The following AGPAT4 variants were observed in gnomAD, a reference collection of about 807,000 sequenced individuals.
AGPAT4 encodes the protein 1-acyl-sn-glycerol-3-phosphate acyltransferase delta.
In AGPAT4, 15 loss-of-function variants were observed where a neutral mutation model predicts 48.0. The ratio of observed to expected loss-of-function variants is 0.31; its 90% CI spans 0.21 to 0.48. The LOEUF is 0.48. Among genes scored for constraint, AGPAT4 ranks in the 20% least tolerant of loss-of-function variants. AGPAT4 has a pLI of 0.99. For synonymous variants in AGPAT4, 178 were observed against 198.7 expected (o/e 0.90, Z 0.88); for missense variants, 314 against 482.5 (o/e 0.65, Z 3.27).
rs1407702385 is a variant in AGPAT4, at chr6:161,198,153, T to C, written c.179-31736A>G. 6.6e-6 allele frequency among the ~76,000 whole-genome samples: 1 copy of C among 152,230 alleles called. No individual in the cohort carries two copies. Among genetic ancestry groups the C allele is most frequent in the African/African-American group, 2.4e-5 (1 of 41,448 alleles). On this transcript the variant is annotated intron_variant, in intron 2 of 8. Transcript: ENST00000320285. The surrounding 1 kb of genome is among the most constrained non-coding windows in gnomAD (Gnocchi z 4.3). ...AATATGCTTATTGATGAGTTTTGTG[T>C]TTCTTATTCTCAATATTAAAAGTGG... is the stretch of plus-strand genomic sequence containing the variant.
In AGPAT4 at chr6:161,259,160, T is replaced by C. The variant is rs1783031295; in HGVS notation, c.-90+14778A>G. Among the ~76,000 whole-genome samples, 1 of 152,202 alleles carries C rather than the reference T, an allele frequency of 6.6e-6. No homozygotes were observed. Among genetic ancestry groups the C allele is most frequent in the South Asian group, 2.1e-4 (1 of 4,832 alleles). On this transcript the variant is annotated intron_variant, in intron 1 of 8. Transcript: ENST00000320285. The surrounding 1 kb of genome is among the most constrained non-coding windows in gnomAD (Gnocchi z 4.9). ...ATTTATGGTGTACAACATAATGTTA[T>C]GATATACGTTTACACCGTGAAATGA...
At position 161,136,196 on chromosome 6, in the gene AGPAT4, A is replaced by C; in HGVS notation, c.*344T>G. 1 of 261,214 alleles carries C rather than the reference A, an allele frequency of 3.8e-6. No homozygotes were observed. Among genetic ancestry groups the C allele is most frequent in the East Asian group, 9.3e-5 (1 of 10,804 alleles). 16.2% of individuals were successfully genotyped at this position (261,214 alleles called of 1,614,324 possible). ...CAGAAAACTCAGCACCAAAGGATGAAAGGGGAACTTGTCCCCTTCGGTCCC... is the reference window on the plus strand; with the variant it reads ...CAGAAAACTCAGCACCAAAGGATGACAGGGGAACTTGTCCCCTTCGGTCCC... On this transcript the variant is annotated 3_prime_UTR_variant, in exon 9 of 9. Coordinates refer to ENST00000320285, the MANE Select transcript of AGPAT4 (RefSeq NM_020133.3).
At chr6:161,253,379 C>T (rs1353653423) in intron 1 of AGPAT4, among the ~76,000 whole-genome samples, 4 of 150,738 alleles carry the variant, frequency 2.7e-5, no homozygotes, top group Non-Finnish European at 5.9e-5. Context: ...CTCAGCCTCC[C>T]GAGTAGCTGG....
In AGPAT4 at chr6:161,231,180, A is replaced by G. The variant is rs907462078; in HGVS notation, c.178+856T>C. Among the ~76,000 whole-genome samples the G allele has an allele frequency of 6.6e-5, 10 of 152,066 alleles. No individual in the cohort carries two copies. The highest frequency in any genetic ancestry group is 1.5e-5 in the Non-Finnish European group (1 of 68,034). ...GAAATATATTCATACCCACATATAT[A>G]TATCATTATTAATATCACACTGCGT... is the stretch of plus-strand genomic sequence containing the variant. On this transcript the variant is annotated intron_variant, in intron 2 of 8. Coordinates refer to ENST00000320285, the MANE Select transcript of AGPAT4 (RefSeq NM_020133.3). This position sits in a 1 kb window ranked among gnomAD's most constrained non-coding sequence, Gnocchi z 5.3.
intron 2 of AGPAT4, among the ~76,000 whole-genome samples, chr6:161,179,272 G>A (rs567291238): frequency 6.6e-6 from 1 of 152,158 alleles, no homozygotes; most frequent in Non-Finnish European, 1.5e-5. Flanking sequence ...GCTGGGAGCT[G>A]AATCCAGACA....
intron 2 of AGPAT4, among the ~76,000 whole-genome samples, chr6:161,210,144 T>C (rs9355338): frequency 0.085 from 12,869 of 152,280 alleles, 682 homozygotes; most frequent in South Asian, 0.15. Context: ...AGTTAAAAGA[T>C]AGGAAGTCCC....
At chr6:161,181,501 A>C (rs1371725202) in intron 2 of AGPAT4, among the ~76,000 whole-genome samples, 3 of 120,596 alleles carry the variant, frequency 2.5e-5, no homozygotes, top group East Asian at 2.2e-4. Context: ...CGGTGGGGGT[A>C]GCAGGGGGCG....
chr6:161,200,542 G>A lies in AGPAT4; in HGVS notation c.178+31494C>T, dbSNP rs1436984694. 6.6e-6 allele frequency among the ~76,000 whole-genome samples: 1 copy of A among 152,218 alleles called. No homozygotes were observed. Among genetic ancestry groups the A allele is most frequent in the African/African-American group, 2.4e-5 (1 of 41,456 alleles). ...CTGGACAAGGGGAAAAACAGTGTGTGTGCTTGGGCATAACCACAGGGTAGC... is the reference window on the plus strand; with the variant it reads ...CTGGACAAGGGGAAAAACAGTGTGTATGCTTGGGCATAACCACAGGGTAGC... On this transcript the variant is annotated intron_variant, in intron 2 of 8. Transcript: ENST00000320285. This position sits in a 1 kb window ranked among gnomAD's most constrained non-coding sequence, Gnocchi z 5.5.
chr6:161,165,937 C>G lies in AGPAT4; in HGVS notation c.348+311G>C, dbSNP rs1444460817. On this transcript the variant is annotated intron_variant, in intron 3 of 8. Transcript: ENST00000320285. The surrounding 1 kb of genome is among the most constrained non-coding windows in gnomAD (Gnocchi z 5.5). ...GTGACTCTGAGCCGAATATTAAGCTCTATATAACTTAGTTTTTAAAAAATG... is the reference window on the plus strand; with the variant it reads ...GTGACTCTGAGCCGAATATTAAGCTGTATATAACTTAGTTTTTAAAAAATG... 3 of 602,266 alleles carry G rather than the reference C, an allele frequency of 5.0e-6. No individual in the cohort carries two copies. Among genetic ancestry groups the G allele is most frequent in the Non-Finnish European group, 8.8e-6 (3 of 339,786 alleles). 37.3% of individuals were successfully genotyped at this position (602,266 alleles called of 1,614,324 possible).
chr6:161,163,443 C>G (rs569647685), intron 3 of AGPAT4, among the ~76,000 whole-genome samples: 30 of 152,062 alleles, frequency 2.0e-4, no homozygotes, highest in African/African-American at 7.0e-4. Context: ...TGTTGCTGAA[C>G]AATGAATATA....
At position 161,232,085 on chromosome 6, in the gene AGPAT4, C is replaced by T; in HGVS notation, c.129G>A (p.Lys43=). The T allele has an allele frequency of 6.2e-7, 1 of 1,614,026 alleles. No homozygotes were observed. Among genetic ancestry groups the T allele is most frequent in the East Asian group, 2.2e-5 (1 of 44,878 alleles). ...TGCAGTTGATCTTCCGGAAGAGCTGCTTGTTAATGGGCCAGAGGAGGAGAG... is the reference window on the plus strand; with the variant it reads ...TGCAGTTGATCTTCCGGAAGAGCTGTTTGTTAATGGGCCAGAGGAGGAGAG... ...LFTLLLWPIN[K]QLFRKINCRL... Residue 43 remains lysine, a synonymous_variant, in exon 2 of 9, where the codon AAG becomes AAA. Transcript: ENST00000320285. This position sits in a 1 kb window ranked among gnomAD's most constrained non-coding sequence, Gnocchi z 6.8.
rs1227445227 is a variant in AGPAT4 at position 161,130,905 on chromosome 6, C to G, written c.*5635G>C. On this transcript the variant is annotated 3_prime_UTR_variant, in exon 9 of 9. Coordinates refer to ENST00000320285, the MANE Select transcript of AGPAT4 (RefSeq NM_020133.3). Reference sequence around the variant, plus strand: ...ACAGAGAGAATGGCATTCCAAAATTCCATGGATGACTTTTCTGAATGTCCT... The same window carrying G: ...ACAGAGAGAATGGCATTCCAAAATTGCATGGATGACTTTTCTGAATGTCCT... 1.9e-6 allele frequency: 1 copy of G among 518,864 alleles called. No individual in the cohort carries two copies. The highest frequency in any genetic ancestry group is 3.8e-6 in the Non-Finnish European group (1 of 259,844). The allele number at this position is 518,864 out of a possible 1,614,324, so 32.1% of individuals were successfully genotyped here.
rs78258954 is a variant in AGPAT4, at chr6:161,246,254, C to T, written c.-89-13952G>A. On this transcript the variant is annotated intron_variant, in intron 1 of 8. Transcript: ENST00000320285. This position sits in a 1 kb window ranked among gnomAD's most constrained non-coding sequence, Gnocchi z 5.5. ...ATCCAGGACAGAGTTGTTTAATTCA[C>T]GCATACATTCATTCGTCCACTGAGA... 8.8e-3 allele frequency among the ~76,000 whole-genome samples: 1,338 copies of T among 152,276 alleles called. 22 individuals carry two copies. The highest frequency in any genetic ancestry group is 0.031 in the African/African-American group (1,273 of 41,534).
In AGPAT4 at chr6:161,161,495, CTGA is replaced by C. The variant is rs1360907793; in HGVS notation, c.348+4750_348+4752del. On this transcript the variant is annotated intron_variant, in intron 3 of 8. Transcript: ENST00000320285. This position sits in a 1 kb window ranked among gnomAD's most constrained non-coding sequence, Gnocchi z 4.6. Reference sequence around the variant, plus strand: ...TAGTGCAAGGTCTGTGCCTGCAGAGCTGATGAATTCACATGGTGGCGGGCAGCA... The same window carrying C: ...TAGTGCAAGGTCTGTGCCTGCAGAGCTGAATTCACATGGTGGCGGGCAGCA... 2.2e-6 allele frequency: 1 copy of C among 456,702 alleles called. No individual in the cohort carries two copies. Among genetic ancestry groups the C allele is most frequent in the Non-Finnish European group, 4.4e-6 (1 of 226,940 alleles). 28.3% of individuals were successfully genotyped at this position (456,702 alleles called of 1,614,324 possible).
rs1215707804 is a variant in AGPAT4 at position 161,154,405 on chromosome 6, C to T, written c.349-95G>A. 164 of 1,449,474 alleles carry T rather than the reference C, an allele frequency of 1.1e-4. 2 individuals carry two copies. The South Asian group carries it at 1.7e-3, about 15-fold the overall frequency. 89.8% of individuals were successfully genotyped at this position (1,449,474 alleles called of 1,614,324 possible). ...ACTGAAGTAGAAAAAGAGGAGGGGA[C>T]GTTCACACCAGACGCCTCGGGACAG... On this transcript the variant is annotated intron_variant, in intron 3 of 8. Coordinates refer to ENST00000320285, the MANE Select transcript of AGPAT4 (RefSeq NM_020133.3). The surrounding 1 kb of genome is among the most constrained non-coding windows in gnomAD (Gnocchi z 7.8).
chr6:161,181,877 T>C (rs1005212858), intron 2 of AGPAT4, among the ~76,000 whole-genome samples: 7 of 152,102 alleles, frequency 4.6e-5, no homozygotes, highest in African/African-American at 1.4e-4. Context: ...GGACAAAAAT[T>C]GGTTCTTGGA....
At position 161,246,001 on chromosome 6, in the gene AGPAT4, C is replaced by T. The variant is rs1367366169; in HGVS notation, c.-89-13699G>A. ...CCCAAACTAAGTTGACATGCAGTAT[C>T]CTTGTTTCTAGATAGCTCTGAAAAA... On this transcript the variant is annotated intron_variant, in intron 1 of 8. Coordinates refer to ENST00000320285, the MANE Select transcript of AGPAT4 (RefSeq NM_020133.3). This position sits in a 1 kb window ranked among gnomAD's most constrained non-coding sequence, Gnocchi z 5.5. 6.6e-6 allele frequency among the ~76,000 whole-genome samples: 1 copy of T among 152,140 alleles called. No homozygotes were observed. Among genetic ancestry groups the T allele is most frequent in the Non-Finnish European group, 1.5e-5 (1 of 68,016 alleles).
chr6:161,182,257 C>A (rs1780620629), intron 2 of AGPAT4, among the ~76,000 whole-genome samples: 1 of 147,852 alleles, frequency 6.8e-6, no homozygotes, highest in African/African-American at 2.5e-5. Context: ...ATCCCAGCCT[C>A]TCACCCTATA....
At position 161,139,357 on chromosome 6, in the gene AGPAT4, G is replaced by A; in HGVS notation, c.1042+65C>T. 1 of 1,571,744 alleles carries A rather than the reference G, an allele frequency of 6.4e-7. No homozygotes were observed. The highest frequency in any genetic ancestry group is 1.3e-5 in the African/African-American group (1 of 74,128). ...GCCTATACAGATGGCCTTCGTCCCA[G>A]CCCTGATGCCACCTCTCCCAGGGTG... On this transcript the variant is annotated intron_variant, in intron 8 of 8. Transcript: ENST00000320285. The surrounding 1 kb of genome is among the most constrained non-coding windows in gnomAD (Gnocchi z 9.1).
Sources: gnomAD v4.1 joint callset for allele counts (sites outside exome capture counted in the v4.1 genomes callset) on GRCh38, gnomAD v4.1.1 for gene constraint, Gnocchi (gnomAD v3.1) non-coding constraint, MANE v1.5 for transcripts, NCBI Gene and HGNC (gene_info 2026-07-23, HGNC 2026-07-21) for gene names.